The following ANO2 variants were observed in gnomAD, a reference collection of about 807,000 sequenced individuals.
ANO2 encodes anoctamin 2, also known as anoctamin-2.
ANO2 carries 101 observed loss-of-function variants against 124.2 expected under a neutral mutation model. That is an observed-to-expected ratio of 0.81 (90% confidence interval 0.69 to 0.96). The LOEUF (loss-of-function observed/expected upper bound fraction) is 0.96. Ranked by LOEUF, ANO2 falls within the 40% of genes least tolerant of loss-of-function variation. The pLI is 0.00. For synonymous variants in ANO2, 486 were observed against 482.5 expected (o/e 1.01, Z -0.09); for missense variants, 1,293 against 1,274.5 (o/e 1.01, Z -0.22).
intron 7 of ANO2, among the ~76,000 whole-genome samples, chr12:5,810,501 G>A (rs1953352646): frequency 6.6e-6 from 1 of 152,168 alleles, no homozygotes; most frequent in Non-Finnish European, 1.5e-5. Flanking sequence ...TAATGGCAAA[G>A]CTTTCTTCTT....
At chr12:5,651,933 C>A (rs1216803798) in intron 14 of ANO2, among the ~76,000 whole-genome samples, 1 of 152,156 alleles carries the variant, frequency 6.6e-6, no homozygotes, top group Non-Finnish European at 1.5e-5. Flanking sequence ...GTAGTTTGTT[C>A]GTTTTTATTG....
intron 8 of ANO2, 98 bp from the exon 9 acceptor site, chr12:5,806,191 C>T: frequency 4.0e-6 from 5 of 1,263,738 alleles, no homozygotes; most frequent in Non-Finnish European, 5.5e-6. Context: ...AATATCATTG[C>T]TTTTTTTTCA....
chr12:5,737,677 C>G (rs1041659173), intron 13 of ANO2, among the ~76,000 whole-genome samples: 1 of 152,076 alleles, frequency 6.6e-6, no homozygotes, highest in East Asian at 1.9e-4. Context: ...CCAGCCTCCT[C>G]TCTCTCTGTC....
At chr12:5,640,928 T>C (rs544756149) in intron 15 of ANO2, among the ~76,000 whole-genome samples, 7 of 152,336 alleles carry the variant, frequency 4.6e-5, no homozygotes, top group Admixed American at 2.0e-4. Flanking sequence ...TGCACACATA[T>C]GTTTATTGCA....
At chr12:5,767,757 A>T (rs1203765021) in intron 10 of ANO2, among the ~76,000 whole-genome samples, 2 of 152,166 alleles carry the variant, frequency 1.3e-5, no homozygotes, top group African/African-American at 4.8e-5. Flanking sequence ...TTTATAAGGT[A>T]GCAGCTAGGT....
At chr12:5,889,872 G>A (rs1031050279) in intron 3 of ANO2, among the ~76,000 whole-genome samples, 9 of 152,356 alleles carry the variant, frequency 5.9e-5, no homozygotes, top group Non-Finnish European at 1.0e-4. Flanking sequence ...CCTCCTGGTG[G>A]CCTGGAGGAC....
intron 16 of ANO2, among the ~76,000 whole-genome samples, chr12:5,625,603 C>A (rs1451999483): frequency 6.6e-6 from 1 of 152,092 alleles, no homozygotes; most frequent in Non-Finnish European, 1.5e-5. Context: ...ATTCTGCTCC[C>A]CAAAACCCAA....
At chr12:5,700,587 T>G (rs998733068) in intron 14 of ANO2, among the ~76,000 whole-genome samples, 32 of 151,964 alleles carry the variant, frequency 2.1e-4, no homozygotes, top group African/African-American at 7.7e-4. Flanking sequence ...AAATAACTAA[T>G]ATCAGAGCAG....
intron 9 of ANO2, among the ~76,000 whole-genome samples, chr12:5,803,740 G>A (rs1023701085): frequency 5.3e-5 from 8 of 152,140 alleles, no homozygotes; most frequent in Non-Finnish European, 1.0e-4. Flanking sequence ...TTCTCAAGAC[G>A]GAGGAAGCCT....
At chr12:5,894,812 G>C (rs747233810) in intron 3 of ANO2, among the ~76,000 whole-genome samples, 1 of 152,062 alleles carries the variant, frequency 6.6e-6, no homozygotes, top group South Asian at 2.1e-4. Context: ...GATGGGTGGC[G>C]TTATTTCTGA....
chr12:5,940,712 CA>C (rs1288849054), intron 1 of ANO2, among the ~76,000 whole-genome samples: 1 of 152,158 alleles, frequency 6.6e-6, no homozygotes, highest in East Asian at 1.9e-4. Context: ...AATAGTCTGA[CA>C]ATCAAAGTTA....
chr12:5,622,254 G>C (rs771551179), intron 16 of ANO2, among the ~76,000 whole-genome samples: 2 of 152,134 alleles, frequency 1.3e-5, no homozygotes, highest in African/African-American at 2.4e-5. Context: ...CTGCAAAGAG[G>C]ATCTAGTCAT....
At chr12:5,577,559 G>A (rs564318220) in intron 22 of ANO2, among the ~76,000 whole-genome samples, 25 of 152,308 alleles carry the variant, frequency 1.6e-4, no homozygotes, top group Non-Finnish European at 2.9e-4. Flanking sequence ...CTGGAGGAAC[G>A]GTAATTAGGG....
chr12:5,643,310 T>C (rs1291012026), intron 15 of ANO2, among the ~76,000 whole-genome samples: 1 of 152,240 alleles, frequency 6.6e-6, no homozygotes, highest in Non-Finnish European at 1.5e-5. Context: ...GAACTCTCTA[T>C]GAGTAGAATC....
At chr12:5,858,260 A>G (rs1427375977) in intron 3 of ANO2, among the ~76,000 whole-genome samples, 2 of 152,356 alleles carry the variant, frequency 1.3e-5, no homozygotes, top group South Asian at 2.1e-4. Context: ...CACATTGCAT[A>G]TATGTATCAA....
rs1238248441 is a variant in ANO2 at position 5,562,664 on chromosome 12, AAT to A, written c.*633_*634del. 1 of 152,258 alleles carries A rather than the reference AAT, an allele frequency of 6.6e-6. No homozygotes were observed. Among genetic ancestry groups the A allele is most frequent in the Non-Finnish European group, 1.5e-5 (1 of 68,170 alleles). The allele number at this position is 152,258 out of a possible 1,614,324, so 9.4% of individuals were successfully genotyped here. On this transcript the variant is annotated 3_prime_UTR_variant, in exon 25 of 25. Coordinates refer to ENST00000682330, the MANE Select transcript of ANO2 (RefSeq NM_001364791.2). ...AGACAACAGATGCATCTTTATAAAG[AAT>A]GTGTCCATTTATTTTATTATTTTAA...
intron 14 of ANO2, among the ~76,000 whole-genome samples, chr12:5,699,303 A>C (rs1043592728): frequency 6.6e-6 from 1 of 152,240 alleles, no homozygotes; most frequent in Admixed American, 6.5e-5. Flanking sequence ...TTCTTAAAGA[A>C]AAGAATTTTC....
intron 4 of ANO2, among the ~76,000 whole-genome samples, chr12:5,840,506 TAA>T (rs1477155059): frequency 2.0e-5 from 3 of 152,046 alleles, no homozygotes; most frequent in Non-Finnish European, 2.9e-5. Context: ...TTTTACAGAT[TAA>T]AAAACACTGA....
At chr12:5,940,979 C>T (rs1054938390) in intron 1 of ANO2, among the ~76,000 whole-genome samples, 3 of 152,158 alleles carry the variant, frequency 2.0e-5, no homozygotes, top group Non-Finnish European at 4.4e-5. Flanking sequence ...AAGCATTATG[C>T]TAAGTGAAAG....
Sources: gnomAD v4.1 joint callset for allele counts (sites outside exome capture counted in the v4.1 genomes callset) on GRCh38, gnomAD v4.1.1 for gene constraint, MANE v1.5 for transcripts, NCBI Gene and HGNC (gene_info 2026-07-23, HGNC 2026-07-21) for gene names.